Variants in FBXL5 observed in about 807,000 individuals in gnomAD.
FBXL5 encodes F-box/LRR-repeat protein 5.
Under a neutral mutation model 78.3 loss-of-function variants are expected in FBXL5, and 26 were observed. The observed-to-expected ratio is 0.33, with a 90% CI of 0.24 to 0.46. The LOEUF (loss-of-function observed/expected upper bound fraction) is 0.46, where lower values mean the gene tolerates loss of function less well. Among genes scored for constraint, FBXL5 ranks in the 20% least tolerant of loss-of-function variants. FBXL5 has a pLI of 1.00. For missense variants in FBXL5, 710 were observed against 829.2 expected, an observed-to-expected ratio of 0.86 and a Z score of 1.77; for synonymous variants, 295 against 282.5, an observed-to-expected ratio of 1.04 and a Z score of -0.45.
At chr4:15,656,101 A>T, upstream of FBXL5, 2 of 446,224 alleles carry the variant, frequency 4.5e-6, no homozygotes, top group South Asian at 3.1e-5. Context: ...AACGCGGGTC[A>T]GGGATAGGCC....
At chr4:15,617,545 C>CA (rs34036474) in intron 9 of FBXL5, among the ~76,000 whole-genome samples, 71,744 of 113,996 alleles carry the variant, frequency 0.63, 20,988 homozygotes, top group Middle Eastern at 0.73. Context: ...CTCCATGTCT[C>CA]AAAAAAAAAA....
At chr4:15,670,524 T>C (rs769641588) in intron 1 of FBXL5, among the ~76,000 whole-genome samples, 21 of 152,220 alleles carry the variant, frequency 1.4e-4, no homozygotes, top group Non-Finnish European at 2.9e-4. Flanking sequence ...ATAAGAGGCA[T>C]AAAATTGGAT....
chr4:15,639,398 G>A (rs1205836689), intron 3 of FBXL5, among the ~76,000 whole-genome samples: 1 of 152,172 alleles, frequency 6.6e-6, no homozygotes, highest in Non-Finnish European at 1.5e-5. Context: ...CAGTGTAGTG[G>A]AACCATAAAA....
At chr4:15,669,041 G>C (rs770474428) in intron 1 of FBXL5, among the ~76,000 whole-genome samples, 2 of 152,106 alleles carry the variant, frequency 1.3e-5, no homozygotes, top group Admixed American at 6.6e-5. Context: ...TAGGAAGATC[G>C]GTTAGTACAG....
chr4:15,631,956 T>C (rs1719025640), intron 5 of FBXL5, among the ~76,000 whole-genome samples: 1 of 152,248 alleles, frequency 6.6e-6, no homozygotes, highest in Admixed American at 6.5e-5. Context: ...TTTGTTGCCA[T>C]TGCTTTTGGT....
intron 3 of FBXL5, among the ~76,000 whole-genome samples, chr4:15,639,417 T>G (rs2148640187): frequency 6.6e-6 from 1 of 152,320 alleles, no homozygotes; most frequent in Admixed American, 6.5e-5. Context: ...AAGTCAGAAC[T>G]CTACTGAGAC....
chr4:15,651,737 A>G (rs1716086402), intron 1 of FBXL5, among the ~76,000 whole-genome samples: 1 of 152,254 alleles, frequency 6.6e-6, no homozygotes, highest in Admixed American at 6.5e-5. Flanking sequence ...ATTCTTTCAT[A>G]AAAGTAAACA....
At chr4:15,671,067 G>T (rs1196568569) in intron 1 of FBXL5, among the ~76,000 whole-genome samples, 3 of 151,578 alleles carry the variant, frequency 2.0e-5, no homozygotes, top group African/African-American at 7.3e-5. Flanking sequence ...GGGATTACAG[G>T]TGCCCGCCAC....
At chr4:15,643,781 A>G (rs1007327282) in intron 2 of FBXL5, among the ~76,000 whole-genome samples, 1 of 152,242 alleles carries the variant, frequency 6.6e-6, no homozygotes, top group African/African-American at 2.4e-5. Flanking sequence ...AGTAATAATT[A>G]TACCTTTGGT....
At chr4:15,615,743 GC>G (rs942291685) in intron 9 of FBXL5, among the ~76,000 whole-genome samples, 9 of 151,594 alleles carry the variant, frequency 5.9e-5, no homozygotes, top group African/African-American at 2.2e-4. Context: ...TTTGTATCTA[GC>G]TCAGGGATTG....
chr4:15,627,134 T>C (rs1161048421), intron 7 of FBXL5, among the ~76,000 whole-genome samples, 179 bp from the exon 8 acceptor site: 1 of 140,044 alleles, frequency 7.1e-6, no homozygotes, highest in Non-Finnish European at 1.6e-5. Flanking sequence ...AGAATCTCTT[T>C]TTTTTTTTTT....
chr4:15,679,986 G>A (rs970895810), intron 1 of FBXL5, among the ~76,000 whole-genome samples: 1 of 152,112 alleles, frequency 6.6e-6, no homozygotes, highest in Non-Finnish European at 1.5e-5. Flanking sequence ...TGGAAACAAC[G>A]CCAAGTGTCC....
intron 10 of FBXL5, among the ~76,000 whole-genome samples, chr4:15,607,066 G>C (rs995315352): frequency 6.6e-6 from 1 of 152,118 alleles, no homozygotes; most frequent in Admixed American, 6.6e-5. Flanking sequence ...TCTTAGGAAA[G>C]AAACTAATAA....
intron 10 of FBXL5, among the ~76,000 whole-genome samples, chr4:15,606,759 G>C (rs1721914592): frequency 6.6e-6 from 1 of 152,164 alleles, no homozygotes; most frequent in Non-Finnish European, 1.5e-5. Flanking sequence ...AATGAAAACT[G>C]TACATGAAAT....
upstream of FBXL5, chr4:15,659,705 A>G (rs1717215103): frequency 1.2e-5 from 12 of 984,478 alleles, no homozygotes; most frequent in Non-Finnish European, 1.4e-5. Context: ...CCATTTCCCA[A>G]ATATACCTTT....
At chr4:15,614,221 C>T (rs1272432915) in intron 9 of FBXL5, among the ~76,000 whole-genome samples, 9 of 152,220 alleles carry the variant, frequency 5.9e-5, no homozygotes, top group Non-Finnish European at 1.2e-4. Context: ...GGTCTAGCCA[C>T]CCAGCAGAGC....
intron 1 of FBXL5, among the ~76,000 whole-genome samples, chr4:15,667,319 T>C (rs1306481002): frequency 6.6e-6 from 1 of 152,214 alleles, no homozygotes; most frequent in Non-Finnish European, 1.5e-5. Context: ...TCAACATTTG[T>C]TAAAATTGAA....
intron 1 of FBXL5, among the ~76,000 whole-genome samples, chr4:15,675,806 C>T (rs575918894): frequency 1.3e-5 from 2 of 152,134 alleles, no homozygotes; most frequent in Admixed American, 1.3e-4. Context: ...TGGTCTCGAA[C>T]TCCTGACCTC....
intron 1 of FBXL5, among the ~76,000 whole-genome samples, chr4:15,676,654 G>GAGA (rs1339547842): frequency 6.6e-6 from 1 of 152,078 alleles, no homozygotes; most frequent in Non-Finnish European, 1.5e-5. Context: ...TTCTGGCTGA[G>GAGA]AGAAGGGTAG....
Sources: gnomAD v4.1 joint callset for allele counts (sites outside exome capture counted in the v4.1 genomes callset) on GRCh38, gnomAD v4.1.1 for gene constraint, MANE v1.5 for transcripts, NCBI Gene and HGNC (gene_info 2026-07-23, HGNC 2026-07-21) for gene names.